The following CACNB2 variants were observed in gnomAD, a reference collection of about 807,000 sequenced individuals.
The protein encoded by CACNB2 is calcium voltage-gated channel auxiliary subunit beta 2, also known as voltage-dependent L-type calcium channel subunit beta-2.
CACNB2 carries 42 observed loss-of-function variants against 73.3 expected under a neutral mutation model. The ratio of observed to expected loss-of-function variants is 0.57; its 90% CI spans 0.45 to 0.74. CACNB2 has a LOEUF of 0.74. CACNB2 is among the 30% of genes least tolerant of loss of function. CACNB2 has a pLI of 0.00. For missense variants in CACNB2, 940 were observed against 853.0 expected, an observed-to-expected ratio of 1.10 and a Z score of -1.27; for synonymous variants, 348 against 310.3, an observed-to-expected ratio of 1.12 and a Z score of -1.28.
intron 2 of CACNB2, chr10:18,261,316 A>T (rs374903228): frequency 1.3e-5 from 20 of 1,551,546 alleles, no homozygotes; most frequent in Non-Finnish European, 1.7e-5. Context: ...CGGGTGTCCT[A>T]TGTAAGTTTC....
At chr10:18,410,123 T>C (rs575993912) in intron 3 of CACNB2, among the ~76,000 whole-genome samples, 1 of 152,130 alleles carries the variant, frequency 6.6e-6, no homozygotes, top group Non-Finnish European at 1.5e-5. Flanking sequence ...GCAGCTGCAA[T>C]CAGCTTTCTA....
intron 2 of CACNB2, among the ~76,000 whole-genome samples, chr10:18,390,005 A>G (rs2043395054): frequency 6.6e-6 from 1 of 152,230 alleles, no homozygotes; most frequent in South Asian, 2.1e-4. Context: ...GTTAAACAGT[A>G]AAATATTTAA....
intron 2 of CACNB2, among the ~76,000 whole-genome samples, chr10:18,375,738 G>A (rs945371609): frequency 2.0e-5 from 3 of 152,138 alleles, no homozygotes; most frequent in African/African-American, 7.2e-5. Context: ...TGAACAAATG[G>A]TATTGCCTGT....
intron 3 of CACNB2, among the ~76,000 whole-genome samples, chr10:18,414,010 A>G (rs1346168989): frequency 6.6e-6 from 1 of 152,224 alleles, no homozygotes; most frequent in East Asian, 1.9e-4. Flanking sequence ...ACTATTTTAC[A>G]TGGTCACTAT....
intron 3 of CACNB2, among the ~76,000 whole-genome samples, chr10:18,417,968 T>C (rs1256160303): frequency 1.3e-5 from 2 of 152,192 alleles, no homozygotes; most frequent in Non-Finnish European, 2.9e-5. Flanking sequence ...GCCAAAAATA[T>C]AAAGTTAGAT....
chr10:18,341,781 GA>G (rs926736730), intron 2 of CACNB2, among the ~76,000 whole-genome samples: 2 of 152,024 alleles, frequency 1.3e-5, no homozygotes, highest in African/African-American at 4.8e-5. Flanking sequence ...GTATAATAGA[GA>G]AAAAAATGCT....
At chr10:18,309,755 C>T (rs2039887666) in intron 2 of CACNB2, among the ~76,000 whole-genome samples, 2 of 152,110 alleles carry the variant, frequency 1.3e-5, no homozygotes, top group African/African-American at 4.8e-5. Context: ...CCTCGCCCAG[C>T]CCAGAAAATG....
chr10:18,268,654 A>G (rs1245180641), intron 2 of CACNB2, among the ~76,000 whole-genome samples: 1 of 152,238 alleles, frequency 6.6e-6, no homozygotes, highest in African/African-American at 2.4e-5. Flanking sequence ...ATAGAGGAAC[A>G]GGCAGGATTT....
At chr10:18,296,866 G>C (rs1053594190) in intron 2 of CACNB2, among the ~76,000 whole-genome samples, 4 of 152,192 alleles carry the variant, frequency 2.6e-5, no homozygotes, top group Non-Finnish European at 5.9e-5. Flanking sequence ...CAGATTCTGA[G>C]TTTAAATCCT....
rs1444641703 is a variant in CACNB2 at position 18,400,719 on chromosome 10, G to C, written c.214-1205G>C. ...TGAGCGCAGGGAAGAGAATGTTTAGGGTTATGAGATGCATTAAGTTTAGAA... is the reference window on the plus strand; with the variant it reads ...TGAGCGCAGGGAAGAGAATGTTTAGCGTTATGAGATGCATTAAGTTTAGAA... On this transcript the variant is annotated intron_variant, in intron 2 of 13. Transcript: ENST00000324631. 7.2e-6 allele frequency: 9 copies of C among 1,245,018 alleles called. No homozygotes were observed. In the South Asian group the frequency reaches 9.0e-5, roughly 12 times the overall value. The allele number at this position is 1,245,018 out of a possible 1,614,324, so 77.1% of individuals were successfully genotyped here. A position where few individuals can be genotyped will look rare whatever the true frequency, so the allele number is the denominator to read the frequency against.
At chr10:18,431,434 T>G (rs1024926730) in intron 3 of CACNB2, among the ~76,000 whole-genome samples, 4 of 152,034 alleles carry the variant, frequency 2.6e-5, no homozygotes, top group African/African-American at 9.7e-5. Flanking sequence ...TGTAAAAATC[T>G]ATTGCCTTTT....
intron 3 of CACNB2, among the ~76,000 whole-genome samples, chr10:18,434,569 T>G (rs894814971): frequency 2.0e-5 from 3 of 152,206 alleles, no homozygotes; most frequent in Admixed American, 1.3e-4. Context: ...TGATGATGAT[T>G]ATTATATTTT....
rs549205428 is a variant in CACNB2, at chr10:18,294,051, G to A, written c.214-107873G>A. Among the ~76,000 whole-genome samples, 5 of 152,280 alleles carry A rather than the reference G, an allele frequency of 3.3e-5. No homozygotes were observed. The South Asian group carries it at 6.2e-4, about 19-fold the overall frequency. ...TATTTATTTAGACTTGAGTTCAGGA[G>A]GAGAATAAAATGATTCCCCTTGTCT... On this transcript the variant is annotated intron_variant, in intron 2 of 13. Coordinates refer to ENST00000324631, the MANE Select transcript of CACNB2 (RefSeq NM_201596.3).
At chr10:18,474,700 A>G (rs1010409335) in intron 3 of CACNB2, among the ~76,000 whole-genome samples, 4 of 152,128 alleles carry the variant, frequency 2.6e-5, no homozygotes, top group Non-Finnish European at 5.9e-5. Flanking sequence ...GCATTGCAGC[A>G]CCGAAAGGAA....
intron 2 of CACNB2, among the ~76,000 whole-genome samples, chr10:18,282,549 C>T (rs536761509): frequency 6.6e-6 from 1 of 152,326 alleles, no homozygotes; most frequent in African/African-American, 2.4e-5. Flanking sequence ...ACCTGCCTTA[C>T]AGATTGTTAG....
At chr10:18,159,070 A>T (rs2032264401) in intron 2 of CACNB2, among the ~76,000 whole-genome samples, 1 of 151,906 alleles carries the variant, frequency 6.6e-6, no homozygotes, top group African/African-American at 2.4e-5. Flanking sequence ...TCTTTTTTGA[A>T]AATGTCTTCA....
At chr10:18,452,603 G>A (rs1310816959) in intron 3 of CACNB2, among the ~76,000 whole-genome samples, 2 of 152,174 alleles carry the variant, frequency 1.3e-5, no homozygotes, top group African/African-American at 4.8e-5. Flanking sequence ...GAGTGCAGTA[G>A]CACAATCATA....
At chr10:18,400,464 A>T in intron 2 of CACNB2, 1 of 480,966 alleles carries the variant, frequency 2.1e-6, no homozygotes, top group Non-Finnish European at 2.7e-6. Flanking sequence ...GTAAAATGGC[A>T]ATTTGACATA....
intron 2 of CACNB2, among the ~76,000 whole-genome samples, chr10:18,278,625 T>C (rs904884202): frequency 6.6e-6 from 1 of 152,144 alleles, no homozygotes; most frequent in Non-Finnish European, 1.5e-5. Context: ...TTATTTGCGA[T>C]AAGGGAAATG....
Sources: allele counts gnomAD v4.1 joint callset (sites outside exome capture counted in the v4.1 genomes callset), GRCh38; gene constraint gnomAD v4.1.1; transcripts MANE v1.5; gene names NCBI Gene and HGNC (gene_info 2026-07-23, HGNC 2026-07-21).